NCAM2: variants seen among roughly 807,000 people sequenced by gnomAD.
NCAM2 encodes the protein N-CAM-2.
In NCAM2, 30 loss-of-function variants were observed where a neutral mutation model predicts 98.1. The observed-to-expected ratio is 0.31, with a 90% CI of 0.23 to 0.41. NCAM2 has a LOEUF of 0.41. NCAM2 is among the 10% of genes least tolerant of loss of function. NCAM2 has a pLI of 1.00. For missense variants in NCAM2, 867 were observed against 1,005.8 expected (o/e 0.86, Z 1.87); for synonymous variants, 368 against 342.4 (o/e 1.07, Z -0.83).
chr21:21,342,074 C>T lies in NCAM2; in HGVS notation c.1044+3540C>T, dbSNP rs1008071699. Among the ~76,000 whole-genome samples the T allele has an allele frequency of 3.3e-5, 5 of 152,078 alleles. No individual in the cohort carries two copies. In the East Asian group the frequency reaches 5.8e-4, roughly 18 times the overall value. ...GAAAAAGTAAGGGACTTGAAAAGTC[C>T]AACTGTGGTATGTTGGAAGACCTTC... On this transcript the variant is annotated intron_variant, in intron 8 of 17. Coordinates refer to ENST00000400546, the MANE Select transcript of NCAM2 (RefSeq NM_004540.5).
chr21:21,138,796 C>T (rs1465534455), intron 1 of NCAM2, among the ~76,000 whole-genome samples: 1 of 151,980 alleles, frequency 6.6e-6, no homozygotes, highest in African/African-American at 2.4e-5. Context: ...ATATTTTTTG[C>T]TTCAATATAC....
chr21:21,023,263 C>G (rs892584779), intron 1 of NCAM2, among the ~76,000 whole-genome samples: 13 of 152,106 alleles, frequency 8.5e-5, no homozygotes, highest in Admixed American at 2.6e-4. Flanking sequence ...GTGGCTCACG[C>G]CTGTAATCTC....
chr21:21,344,384 C>T (rs1008616759), intron 8 of NCAM2, among the ~76,000 whole-genome samples: 1 of 152,120 alleles, frequency 6.6e-6, no homozygotes, highest in East Asian at 1.9e-4. Context: ...CATTTCTGGA[C>T]CTGCTGTGGG....
intron 15 of NCAM2, among the ~76,000 whole-genome samples, chr21:21,482,716 G>T (rs978528476): frequency 6.6e-6 from 1 of 151,344 alleles, no homozygotes; most frequent in Non-Finnish European, 1.5e-5. Context: ...TATGCTAGTG[G>T]ATACTACATT....
chr21:21,359,451 T>A (rs933735503), intron 8 of NCAM2, among the ~76,000 whole-genome samples: 1 of 152,096 alleles, frequency 6.6e-6, no homozygotes, highest in East Asian at 1.9e-4. Context: ...ATTTTAAAAA[T>A]TGTTTTTGAA....
At chr21:21,066,089 A>G (rs2065430908) in intron 1 of NCAM2, among the ~76,000 whole-genome samples, 1 of 152,166 alleles carries the variant, frequency 6.6e-6, no homozygotes, top group Non-Finnish European at 1.5e-5. Flanking sequence ...CACAAGGACG[A>G]TACTTCTTCA....
At chr21:21,088,970 C>CAAGAAA (rs769220357) in intron 1 of NCAM2, among the ~76,000 whole-genome samples, 32,292 of 138,354 alleles carry the variant, frequency 0.23, 4,186 homozygotes, top group African/African-American at 0.37. Context: ...AACTCTGTCT[C>CAAGAAA]AAAAAAAAAA....
At chr21:21,103,363 T>C (rs2066283146) in intron 1 of NCAM2, among the ~76,000 whole-genome samples, 1 of 151,994 alleles carries the variant, frequency 6.6e-6, no homozygotes, top group African/African-American at 2.4e-5. Context: ...GGCTGATTAT[T>C]TGAAGGGAAT....
In NCAM2 at chr21:21,498,891, A is replaced by G. The variant is rs377023447; in HGVS notation, c.2078-9960A>G. Among the ~76,000 whole-genome samples the G allele has an allele frequency of 1.4e-3, 211 of 152,316 alleles. 1 individual carries two copies. The highest frequency in any genetic ancestry group is 4.8e-3 in the African/African-American group (201 of 41,576). On this transcript the variant is annotated intron_variant, in intron 15 of 17. Transcript: ENST00000400546. ...TGTACTAGGGGGCAAAATGAATTAT[A>G]GAAGAAGAGAATGCCTCCCAAAATC...
intron 9 of NCAM2, among the ~76,000 whole-genome samples, chr21:21,404,166 G>C (rs926142627): frequency 6.6e-6 from 1 of 152,066 alleles, no homozygotes; most frequent in Non-Finnish European, 1.5e-5. Context: ...AAATAAAATA[G>C]ATAACTCAAT....
At chr21:21,104,001 A>G (rs2066294620) in intron 1 of NCAM2, among the ~76,000 whole-genome samples, 2 of 152,140 alleles carry the variant, frequency 1.3e-5, no homozygotes, top group African/African-American at 4.8e-5. Context: ...ACTACAGAGT[A>G]GAAGAACAAA....
chr21:21,467,376 A>G (rs1039144523), intron 13 of NCAM2, among the ~76,000 whole-genome samples: 9 of 133,188 alleles, frequency 6.8e-5, no homozygotes, highest in Middle Eastern at 3.8e-3. Flanking sequence ...CCTGATATAT[A>G]TATCTTTATA....
At chr21:21,428,524 G>T (rs1332759359) in intron 11 of NCAM2, among the ~76,000 whole-genome samples, 1 of 152,192 alleles carries the variant, frequency 6.6e-6, no homozygotes, top group Admixed American at 6.5e-5. Flanking sequence ...CATGCCTCGT[G>T]CATTGATGTT....
chr21:21,366,662 G>GA, intron 8 of NCAM2, among the ~76,000 whole-genome samples: 1 of 152,108 alleles, frequency 6.6e-6, no homozygotes, highest in Non-Finnish European at 1.5e-5. Context: ...AGCCTGCAGG[G>GA]AAAATCCCAT....
chr21:21,026,793 A>C (rs201343484), intron 1 of NCAM2, among the ~76,000 whole-genome samples: 147 of 151,520 alleles, frequency 9.7e-4, no homozygotes, highest in African/African-American at 3.4e-3. Flanking sequence ...TTTTATTTTC[A>C]CCATTTTCTT....
chr21:21,532,918 C>T (rs968964098), intron 16 of NCAM2, among the ~76,000 whole-genome samples: 1 of 152,038 alleles, frequency 6.6e-6, no homozygotes, highest in African/African-American at 2.4e-5. Context: ...CTGTCTCTTA[C>T]AGACATCTGA....
At chr21:21,449,126 G>C (rs1241325911) in intron 12 of NCAM2, among the ~76,000 whole-genome samples, 1 of 151,750 alleles carries the variant, frequency 6.6e-6, no homozygotes, top group Non-Finnish European at 1.5e-5. Context: ...ACTCAGCCTG[G>C]TCTCTGCTAT....
At chr21:21,057,674 C>T (rs2065239672) in intron 1 of NCAM2, among the ~76,000 whole-genome samples, 1 of 152,056 alleles carries the variant, frequency 6.6e-6, no homozygotes, top group African/African-American at 2.4e-5. Context: ...GCCATTCTTA[C>T]ATATTTAACA....
chr21:21,411,174 GA>G lies in NCAM2; in HGVS notation c.1383+719del, dbSNP rs575118613. On this transcript the variant is annotated intron_variant, in intron 10 of 17. Transcript: ENST00000400546. ...CATATATATATGGAAAATCTAGGAA[GA>G]AAAAATTGGTAATGTAATAGTTATT... Among the ~76,000 whole-genome samples, 240 of 54,138 alleles carry G rather than the reference GA, an allele frequency of 4.4e-3. 2 individuals are homozygous for G. Among genetic ancestry groups the G allele is most frequent in the African/African-American group, 0.016 (231 of 14,098 alleles). 35.5% of individuals were successfully genotyped at this position (54,138 alleles called of 152,430 possible).
Sources: allele counts gnomAD v4.1 joint callset (sites outside exome capture counted in the v4.1 genomes callset), GRCh38; gene constraint gnomAD v4.1.1; transcripts MANE v1.5; gene names NCBI Gene and HGNC (gene_info 2026-07-23, HGNC 2026-07-21).